DNAH14: variants seen among roughly 807,000 people sequenced by gnomAD.
DNAH14 encodes dynein axonemal heavy chain 14.
DNAH14 carries 478 observed loss-of-function variants against 520.9 expected under a neutral mutation model. That is an observed-to-expected ratio of 0.92 (90% CI 0.85 to 0.99). The LOEUF (loss-of-function observed/expected upper bound fraction) is 0.99. DNAH14 is among the 50% of genes least tolerant of loss of function. DNAH14 has a pLI of 0.00. For missense variants in DNAH14, 4,831 were observed against 5,234.5 expected (o/e 0.92, Z 2.38); for synonymous variants, 1,581 against 1,757.2 (o/e 0.90, Z 2.51).
At chr1:225,252,506 A>T in intron 44 of DNAH14, 89 bp downstream of exon 44, 1 of 722,250 alleles carries the variant, frequency 1.4e-6, no homozygotes, top group Non-Finnish European at 2.2e-6. Flanking sequence ...TCTATTTATA[A>T]AAGTAATTAT....
intron 1 of DNAH14, among the ~76,000 whole-genome samples, chr1:224,947,645 T>G (rs2059930471): frequency 6.6e-6 from 1 of 152,162 alleles, no homozygotes; most frequent in Non-Finnish European, 1.5e-5. Context: ...GGATACTTAA[T>G]TTAGATAATA....
intron 1 of DNAH14, among the ~76,000 whole-genome samples, chr1:224,943,981 G>T (rs1316144844): frequency 2.6e-5 from 4 of 152,234 alleles, no homozygotes; most frequent in East Asian, 1.9e-4. Context: ...GTTGATTTGG[G>T]GTGGAGAGTT....
chr1:225,377,959 T>C (rs1166074824), intron 79 of DNAH14, among the ~76,000 whole-genome samples: 2 of 152,150 alleles, frequency 1.3e-5, no homozygotes, highest in East Asian at 1.9e-4. Context: ...ATCAAATAAA[T>C]ATGGTGAATC....
chr1:225,335,466 CAT>C lies in DNAH14; in HGVS notation c.10081-1799_10081-1798del, dbSNP rs1491090575. On this transcript the variant is annotated intron_variant, in intron 66 of 85. Coordinates refer to ENST00000682510, the MANE Select transcript of DNAH14 (RefSeq NM_001367479.1). ...GTGTATGCACATATGCACGTGTGTA[CAT>C]GTGTGTGTATGCACATATACACGTG... Among the ~76,000 whole-genome samples the C allele has an allele frequency of 1.6e-4, 15 of 96,454 alleles. 4 individuals carry two copies. Among genetic ancestry groups the C allele is most frequent in the Admixed American group, 3.6e-4 (3 of 8,288 alleles). 63.3% of individuals were successfully genotyped at this position (96,454 alleles called of 152,430 possible). A position where few individuals can be genotyped will look rare whatever the true frequency, so the allele number is the denominator to read the frequency against.
At chr1:224,985,713 G>A (rs1368241149) in intron 8 of DNAH14, among the ~76,000 whole-genome samples, 1 of 144,214 alleles carries the variant, frequency 6.9e-6, no homozygotes, top group African/African-American at 2.8e-5. Context: ...ACAACAAATT[G>A]AAATAATCAA....
intron 22 of DNAH14, among the ~76,000 whole-genome samples, chr1:225,097,753 G>A (rs6704159): frequency 0.13 from 19,498 of 151,556 alleles, 3,841 homozygotes; most frequent in African/African-American, 0.43. Flanking sequence ...CAGCCTGGGC[G>A]ACAGAGCGAG....
At chr1:225,317,710 A>G (rs1287278278) in intron 60 of DNAH14, among the ~76,000 whole-genome samples, 2 of 152,216 alleles carry the variant, frequency 1.3e-5, no homozygotes, top group Non-Finnish European at 2.9e-5. Context: ...AAAGGTGTCA[A>G]TGAAAATCTA....
At chr1:225,088,338 CA>C (rs1483357007) in intron 21 of DNAH14, among the ~76,000 whole-genome samples, 1 of 151,680 alleles carries the variant, frequency 6.6e-6, no homozygotes, top group Non-Finnish European at 1.5e-5. Flanking sequence ...TAAAAAAGAC[CA>C]AAATTAAACT....
chr1:225,290,038 G>A lies in DNAH14; in HGVS notation c.8425G>A (p.Gly2809Arg), dbSNP rs551105711. ...GGTGTTTATTCACGCAGGATTAAAA[G>A]GGAAACCCACTGTTCTGATGGTTCC... ...KKVFIHAGLK[G>R]KPTVLMVPNL... The change falls in exon 55 of 86, where the codon GGG (glycine) becomes AGG (arginine). Residue 2809 changes from glycine to arginine, a missense_variant. Gly to Arg is a moderately radical substitution (Grantham distance 125). Coordinates refer to ENST00000682510, the MANE Select transcript of DNAH14 (RefSeq NM_001367479.1). 7.7e-5 allele frequency: 118 copies of A among 1,524,448 alleles called. No homozygotes were observed. In the South Asian group the frequency reaches 1.4e-3, roughly 18 times the overall value. The allele number at this position is 1,524,448 out of a possible 1,614,324, so 94.4% of individuals were successfully genotyped here. A position where few individuals can be genotyped will look rare whatever the true frequency, so the allele number is the denominator to read the frequency against.
chr1:225,081,975 A>T (rs1022309540), intron 19 of DNAH14, among the ~76,000 whole-genome samples: 1 of 152,128 alleles, frequency 6.6e-6, no homozygotes, highest in Non-Finnish European at 1.5e-5. Context: ...ACCAAAATTT[A>T]AAAAACCCAA....
chr1:225,013,505 C>T (rs1011743573), intron 10 of DNAH14, among the ~76,000 whole-genome samples: 12 of 152,212 alleles, frequency 7.9e-5, no homozygotes, highest in Admixed American at 7.2e-4. Context: ...CTGTTACTCT[C>T]TTCAGACCTG....
At chr1:224,955,163 A>C in intron 3 of DNAH14, 65 bp downstream of exon 3, 3 of 1,510,150 alleles carry the variant, frequency 2.0e-6, no homozygotes, top group Non-Finnish European at 2.7e-6. Context: ...ATTGAAAGAA[A>C]TTTTTCATAG....
chr1:224,950,687 A>G (rs1217705870), intron 1 of DNAH14, among the ~76,000 whole-genome samples: 1 of 152,226 alleles, frequency 6.6e-6, no homozygotes, highest in Non-Finnish European at 1.5e-5. Context: ...GAGCTGGCAA[A>G]TGATGGCCTA....
At chr1:225,058,138 C>T (rs1481007498) in intron 17 of DNAH14, among the ~76,000 whole-genome samples, 4 of 152,084 alleles carry the variant, frequency 2.6e-5, no homozygotes, top group Admixed American at 6.6e-5. Flanking sequence ...TGGTAGAATT[C>T]GGCTGTGAAA....
chr1:225,344,124 G>A (rs146094949), intron 69 of DNAH14, among the ~76,000 whole-genome samples: 1 of 151,618 alleles, frequency 6.6e-6, no homozygotes, highest in Non-Finnish European at 1.5e-5. Flanking sequence ...AGTAATAGTG[G>A]TTTTAGTAAA....
At chr1:225,009,419 G>A (rs1317938359) in intron 10 of DNAH14, among the ~76,000 whole-genome samples, 2 of 152,144 alleles carry the variant, frequency 1.3e-5, no homozygotes, top group Non-Finnish European at 1.5e-5. Flanking sequence ...GGTTGTAGAT[G>A]TGTGATGTTA....
At chr1:225,118,873 ACTCT>A (rs561648401) in intron 25 of DNAH14, among the ~76,000 whole-genome samples, 98 of 135,270 alleles carry the variant, frequency 7.2e-4, no homozygotes, top group Middle Eastern at 4.0e-3. Flanking sequence ...ACAGAACGAG[ACTCT>A]CTCTGTCTCA....
chr1:225,187,849 A>C (rs900073919), intron 37 of DNAH14, among the ~76,000 whole-genome samples: 1 of 151,828 alleles, frequency 6.6e-6, no homozygotes, highest in Admixed American at 6.6e-5. Flanking sequence ...CAAAACTCTC[A>C]TCAGATTGTG....
At chr1:225,188,823 A>T (rs1573851374) in intron 37 of DNAH14, among the ~76,000 whole-genome samples, 1 of 151,784 alleles carries the variant, frequency 6.6e-6, no homozygotes, top group South Asian at 2.1e-4. Context: ...ATGAACACAG[A>T]TGTCTTTCCA....
Sources: allele counts gnomAD v4.1 joint callset (sites outside exome capture counted in the v4.1 genomes callset), GRCh38; gene constraint gnomAD v4.1.1; transcripts MANE v1.5; gene names NCBI Gene and HGNC (gene_info 2026-07-23, HGNC 2026-07-21).